The following ERCC6 variants were observed in gnomAD, a reference collection of about 807,000 sequenced individuals.
The protein encoded by ERCC6 is ERCC excision repair 6, chromatin remodeling factor, also known as DNA excision repair protein ERCC-6.
ERCC6 carries 116 observed loss-of-function variants against 158.7 expected under a neutral mutation model. That is an observed-to-expected ratio of 0.73 (90% CI 0.63 to 0.85). The LOEUF is 0.85. ERCC6 is among the 40% of genes least tolerant of loss of function. The pLI is 0.00. For synonymous variants in ERCC6, 678 were observed against 659.3 expected (o/e 1.03, Z -0.43); for missense variants, 1,698 against 1,799.4 (o/e 0.94, Z 1.02).
chr10:49,440,701 A>G, the ERCC6 span, among the ~76,000 whole-genome samples: 1 of 152,254 alleles, frequency 6.6e-6, no homozygotes, highest in East Asian at 1.9e-4. Context: ...AAAATGCACA[A>G]GTCTAAAAGG....
chr10:49,527,967 T>C (rs1393939371), intron 4 of ERCC6, among the ~76,000 whole-genome samples: 1 of 152,158 alleles, frequency 6.6e-6, no homozygotes, highest in Admixed American at 6.5e-5. Context: ...GTAAATGAAA[T>C]ACTGCCCAGA....
At chr10:49,478,157 T>G (rs900062409) in intron 11 of ERCC6, among the ~76,000 whole-genome samples, 197 bp downstream of exon 11, 3 of 152,186 alleles carry the variant, frequency 2.0e-5, no homozygotes, top group African/African-American at 7.2e-5. Flanking sequence ...TAGGAATCCA[T>G]GTGTCAGTAA....
intron 5 of ERCC6, among the ~76,000 whole-genome samples, chr10:49,510,591 A>G (rs1851517018): frequency 6.6e-6 from 1 of 152,192 alleles, no homozygotes; most frequent in Non-Finnish European, 1.5e-5. Flanking sequence ...AGTGTAGCAT[A>G]TTGTGAAATC....
At chr10:49,459,508 G>T (rs4253225) in intron 20 of ERCC6, among the ~76,000 whole-genome samples, 1 of 152,174 alleles carries the variant, frequency 6.6e-6, no homozygotes, top group Non-Finnish European at 1.5e-5. Context: ...GTGGTGGACA[G>T]GAAGGCAGAG....
chr10:49,532,594 G>C lies in ERCC6; in HGVS notation c.371C>G (p.Ser124Cys), dbSNP rs1564447008. Residue 124 changes from serine to cysteine, a missense_variant, in exon 2 of 21, where the codon TCC (serine) becomes TGC (cysteine). By Grantham distance (112) the Ser-to-Cys change is moderately radical (BLOSUM62 -1). Coordinates refer to ENST00000355832, the MANE Select transcript of ERCC6 (RefSeq NM_000124.4). ...DNAIHEASRASQLVDVEKEYR... is the reference protein window; with the variant it reads ...DNAIHEASRACQLVDVEKEYR... ...CTCCTTCTCCACGTCAACGAGCTGGGAGGCACGGCTGGCCTCATGGATGGC... is the reference window on the plus strand; with the variant it reads ...CTCCTTCTCCACGTCAACGAGCTGGCAGGCACGGCTGGCCTCATGGATGGC... The C allele has an allele frequency of 6.2e-7, 1 of 1,614,216 alleles. No homozygotes were observed. Among genetic ancestry groups the C allele is most frequent in the Admixed American group, 1.7e-5 (1 of 60,030 alleles).
At chr10:49,496,538 T>C (rs893674617) in intron 7 of ERCC6, among the ~76,000 whole-genome samples, 2 of 152,230 alleles carry the variant, frequency 1.3e-5, no homozygotes, top group Non-Finnish European at 1.5e-5. Flanking sequence ...CCGGGTACAG[T>C]GGCTCACACC....
intron 5 of ERCC6, among the ~76,000 whole-genome samples, chr10:49,514,891 T>C (rs573285974): frequency 4.6e-5 from 7 of 152,322 alleles, no homozygotes; most frequent in African/African-American, 1.7e-4. Flanking sequence ...TATCTTCCTT[T>C]TTATGGTCTA....
intron 5 of ERCC6, among the ~76,000 whole-genome samples, chr10:49,519,602 C>T (rs970031130): frequency 2.0e-5 from 3 of 152,068 alleles, no homozygotes; most frequent in African/African-American, 4.8e-5. Context: ...CTGAAGAGTC[C>T]GTTTCTGAAC....
chr10:49,505,786 TTC>T, intron 6 of ERCC6, 96 bp downstream of exon 6: 1 of 1,459,376 alleles, frequency 6.9e-7, no homozygotes, highest in Non-Finnish European at 9.5e-7. Flanking sequence ...TGCAAGTACC[TTC>T]AGGGCCCACA....
chr10:49,459,329 A>C (rs1850536532), intron 20 of ERCC6, 95 bp from the exon 21 acceptor site: 2 of 1,362,692 alleles, frequency 1.5e-6, no homozygotes, highest in Non-Finnish European at 2.1e-6. Flanking sequence ...AAGACAACAC[A>C]TGTGCCAGGG....
chr10:49,493,125 G>A lies in ERCC6; in HGVS notation c.1813C>T (p.His605Tyr), dbSNP rs757008329. Residue 605 changes from histidine (H) to tyrosine (Y), a missense_variant, in exon 8 of 21, where the codon CAC (histidine) becomes TAC (tyrosine). Coordinates refer to ENST00000355832, the MANE Select transcript of ERCC6 (RefSeq NM_000124.4). ...AILHETGSYT[H>Y]KKEKLIRDVA... ...CTGAAATATTGTGTTACCTTTTTGT[G>A]GGTATAGGAACCGGTTTCATGTAGA... 72 of 1,613,838 alleles carry A rather than the reference G, an allele frequency of 4.5e-5. No homozygotes were observed. The highest frequency in any genetic ancestry group is 4.4e-5 in the Non-Finnish European group (52 of 1,179,954).
Position 49,471,137 on chromosome 10 carries a change from T to C in ERCC6, c.2925-17A>G, listed in dbSNP as rs1166902864. 6.2e-7 allele frequency: 1 copy of C among 1,612,820 alleles called. No homozygotes were observed. Among genetic ancestry groups the C allele is most frequent in the African/African-American group, 1.3e-5 (1 of 74,990 alleles). ...AAGATTTGTCTAAAAAAATAAAAGA[T>C]AAGCTGGTATAAAACAATGTGTAGC... On this transcript the variant is annotated splice_polypyrimidine_tract_variant and intron_variant, in intron 16 of 20. Coordinates refer to ENST00000355832, the MANE Select transcript of ERCC6 (RefSeq NM_000124.4).
chr10:49,527,934 A>G (rs1009471553), intron 4 of ERCC6, among the ~76,000 whole-genome samples: 1 of 152,270 alleles, frequency 6.6e-6, no homozygotes, highest in Admixed American at 6.5e-5. Flanking sequence ...GTTTTCCAAA[A>G]GACAACCATC....
chr10:49,538,246 G>A (rs993950171), intron 1 of ERCC6, among the ~76,000 whole-genome samples: 2 of 152,200 alleles, frequency 1.3e-5, no homozygotes, highest in Admixed American at 1.3e-4. Context: ...TCGGACACAG[G>A]CACAGTTCTG....
At chr10:49,462,471 C>A (rs1564726291) in intron 18 of ERCC6, among the ~76,000 whole-genome samples, 1 of 151,308 alleles carries the variant, frequency 6.6e-6, no homozygotes, top group Non-Finnish European at 1.5e-5. Context: ...ACTACAATTC[C>A]AATTAATAAA....
At chr10:49,473,679 A>C in intron 13 of ERCC6, 92 bp from the exon 14 acceptor site, 1 of 809,166 alleles carries the variant, frequency 1.2e-6, no homozygotes, top group Non-Finnish European at 2.2e-6. Context: ...ACCTTCCCCA[A>C]CAGGCCTATG....
At chr10:49,516,155 A>G in intron 5 of ERCC6, 1 of 1,614,192 alleles carries the variant, frequency 6.2e-7, no homozygotes, top group Non-Finnish European at 8.5e-7. Context: ...CCTCATGTTT[A>G]GTATTTGGGT....
rs763337935 is a variant in ERCC6 at position 49,473,972 on chromosome 10, T to C, written c.2598+55A>G. On this transcript the variant is annotated intron_variant, in intron 13 of 20. Transcript: ENST00000355832. ...TTTAGATTGAATCCCATTTTGTGAGTTGATGGCTGTCATAAAGAACCAGCC... is the reference window on the plus strand; with the variant it reads ...TTTAGATTGAATCCCATTTTGTGAGCTGATGGCTGTCATAAAGAACCAGCC... 6.1e-6 allele frequency: 9 copies of C among 1,480,608 alleles called. No homozygotes were observed. In the East Asian group the frequency reaches 6.8e-5, roughly 11 times the overall value. The allele number at this position is 1,480,608 out of a possible 1,614,324, so 91.7% of individuals were successfully genotyped here. A position where few individuals can be genotyped will look rare whatever the true frequency, so the allele number is the denominator to read the frequency against.
intron 8 of ERCC6, among the ~76,000 whole-genome samples, chr10:49,492,259 C>G (rs1851185182): frequency 6.6e-6 from 1 of 152,150 alleles, no homozygotes; most frequent in African/African-American, 2.4e-5. Context: ...ACTCCATAGC[C>G]CTTGCAGCCG....
Sources: gnomAD v4.1 joint callset for allele counts (sites outside exome capture counted in the v4.1 genomes callset) on GRCh38, gnomAD v4.1.1 for gene constraint, MANE v1.5 for transcripts, NCBI Gene and HGNC (gene_info 2026-07-23, HGNC 2026-07-21) for gene names.